The following ANKZF1 variants were observed in gnomAD, a reference collection of about 807,000 sequenced individuals.
ANKZF1 encodes the protein ankyrin repeat and zinc finger peptidyl tRNA hydrolase 1.
Under a neutral mutation model 86.0 loss-of-function variants are expected in ANKZF1, and 84 were observed. The ratio of observed to expected loss-of-function variants is 0.98; its 90% confidence interval spans 0.82 to 1.17. ANKZF1 has a LOEUF of 1.17. Among genes scored for constraint, ANKZF1 ranks in the 50% most tolerant of loss-of-function variants. ANKZF1 has a pLI of 0.00. For missense variants in ANKZF1, 893 were observed against 918.4 expected, an observed-to-expected ratio of 0.97 and a Z score of 0.36; for synonymous variants, 331 against 354.2, an observed-to-expected ratio of 0.93 and a Z score of 0.74.
rs775340089 is a variant in ANKZF1 at position 219,230,353 on chromosome 2, G to C, written c.96G>C (p.Val32=). 1 of 1,613,912 alleles carries C rather than the reference G, an allele frequency of 6.2e-7. No individual in the cohort carries two copies. Residue 32 remains valine (V), a synonymous_variant, in exon 2 of 14, where the codon GTG becomes GTC. Transcript: ENST00000323348. The part of the protein sequence containing the change: ...DAPVFQGLSL[V]SHAPGEALAR... ...CGGTCTTTCAGGGCCTGAGCCTGGT[G>C]AGCCACGCGCCTGGGGAGGCTCTGG...
At position 219,233,293 on chromosome 2, in the gene ANKZF1, G is replaced by A; in HGVS notation, c.679G>A (p.Val227Met). 1.2e-6 allele frequency: 2 copies of A among 1,614,254 alleles called. No individual in the cohort carries two copies. The highest frequency in any genetic ancestry group is 1.7e-6 in the Non-Finnish European group (2 of 1,180,046). The part of the protein sequence containing the change: ...FAGAIFQGRE[V>M]VTHKTFHRYT... The stretch of plus-strand genomic sequence containing the variant: ...AGTCTGTGCTGTCTACAGAAGAGAA[G>A]TGGTGACACACAAAACTTTTCACCG... The change falls in exon 7 of 14, where the codon GTG becomes ATG. Residue 227 changes from valine (V) to methionine (M), a missense_variant. Transcript: ENST00000323348.
At chr2:219,232,428 A>C in intron 4 of ANKZF1, 62 bp from the exon 5 acceptor site, 1 of 1,610,956 alleles carries the variant, frequency 6.2e-7, no homozygotes, top group Non-Finnish European at 8.5e-7. Flanking sequence ...ACTAGTTTAG[A>C]GTTTGAGGAA....
At position 219,236,532 on chromosome 2, in the gene ANKZF1, A is replaced by G; in HGVS notation, c.*87A>G. The stretch of plus-strand genomic sequence containing the variant: ...TAGGTTTTTTCTTCCCCGTGAAACC[A>G]GAGATGATTTGGAAGATGGGGGTGA... On this transcript the variant is annotated 3_prime_UTR_variant, in exon 14 of 14. Transcript: ENST00000323348. 1 of 1,488,440 alleles carries G rather than the reference A, an allele frequency of 6.7e-7. No homozygotes were observed. The highest frequency in any genetic ancestry group is 9.0e-7 in the Non-Finnish European group (1 of 1,116,934). 92.2% of individuals were successfully genotyped at this position (1,488,440 alleles called of 1,614,324 possible). A position where few individuals can be genotyped will look rare whatever the true frequency, so the allele number is the denominator to read the frequency against.
rs750688880 is a variant in ANKZF1 at position 219,233,118 on chromosome 2, CAAAGT to C, written c.600_604del (p.Ser201ArgfsTer66). ...GGCAGAACTGCTGCTACAGAACCTG[CAAAGT>C]AGAGGTCCCAGAGACTGCGTGGTGC... On this transcript the variant is annotated frameshift_variant, in exon 6 of 14. Coordinates refer to ENST00000323348, the MANE Select transcript of ANKZF1 (RefSeq NM_018089.3). LOFTEE classifies it high-confidence loss of function. 3.7e-6 allele frequency: 6 copies of C among 1,614,174 alleles called. No homozygotes were observed. In the South Asian group the frequency reaches 6.6e-5, roughly 18 times the overall value.
At position 219,231,911 on chromosome 2, in the gene ANKZF1, C is replaced by T. The variant is rs1951049107; in HGVS notation, c.149-17C>T. The stretch of plus-strand genomic sequence containing the variant: ...TTGGGCTCCCTTTCTATGTCCAATT[C>T]CTCTTCCCTTATTTAGGCTCAGGGG... On this transcript the variant is annotated splice_polypyrimidine_tract_variant and intron_variant, in intron 2 of 13. Transcript: ENST00000323348. The T allele has an allele frequency of 6.2e-7, 1 of 1,601,950 alleles. No individual in the cohort carries two copies. The highest frequency in any genetic ancestry group is 1.3e-5 in the African/African-American group (1 of 74,598).
chr2:219,231,874 G>C, intron 2 of ANKZF1, 54 bp from the exon 3 acceptor site: 1 of 1,400,440 alleles, frequency 7.1e-7, no homozygotes, highest in Non-Finnish European at 1.0e-6. Flanking sequence ...TATAATTCTT[G>C]TCACTGTGGA....
intron 9 of ANKZF1, 114 bp downstream of exon 9, chr2:219,234,402 G>C (rs752862067): frequency 7.7e-7 from 1 of 1,306,472 alleles, no homozygotes; most frequent in Admixed American, 1.7e-5. Flanking sequence ...CACCCACAGT[G>C]TCTATCTTAG....
In ANKZF1 at chr2:219,236,353, G is replaced by A; in HGVS notation, c.2089G>A (p.Gly697Ser). Residue 697 changes from glycine to serine, a missense_variant, in exon 14 of 14, where the codon GGC (glycine) becomes AGC (serine). Transcript: ENST00000323348. ...CTGGAGTTGTGGGGCATCCCTCCAA[G>A]GCCTGACTCCCTTTCACTACCTCGA... ...RCWSCGASLQ[G>S]LTPFHYLDFS... 6.2e-7 allele frequency: 1 copy of A among 1,614,124 alleles called. No individual in the cohort carries two copies. The highest frequency in any genetic ancestry group is 8.5e-7 in the Non-Finnish European group (1 of 1,180,034).
chr2:219,230,431 C>A (rs777898316), intron 2 of ANKZF1, 26 bp downstream of exon 2: 3 of 1,587,342 alleles, frequency 1.9e-6, no homozygotes, highest in Non-Finnish European at 2.6e-6. Flanking sequence ...TCGTGTGAAA[C>A]GTGACAGGGC....
rs537161164 is a variant in ANKZF1, at chr2:219,235,656, T to C, written c.1804-52T>C. On this transcript the variant is annotated intron_variant, in intron 11 of 13. Coordinates refer to ENST00000323348, the MANE Select transcript of ANKZF1 (RefSeq NM_018089.3). ...ATCCTGGCTAGATCCTTTCTACTTC[T>C]TGCAGTTTTACCAAAGATAACTTAT... The C allele has an allele frequency of 2.4e-5, 38 of 1,611,420 alleles. No homozygotes were observed. The South Asian group carries it at 2.5e-4, about 11-fold the overall frequency.
chr2:219,232,993 G>A, intron 5 of ANKZF1, 86 bp from the exon 6 acceptor site: 1 of 1,256,490 alleles, frequency 8.0e-7, no homozygotes, highest in Admixed American at 1.8e-5. Flanking sequence ...AATATTAAAT[G>A]AGATAATGTT....
chr2:219,233,597 C>T, intron 7 of ANKZF1, 118 bp from the exon 8 acceptor site: 1 of 1,407,286 alleles, frequency 7.1e-7, no homozygotes, highest in African/African-American at 1.4e-5. Context: ...GTCCTCTATT[C>T]TTTCTCCGTG....
rs1292671661 is a variant in ANKZF1 at position 219,233,845 on chromosome 2, G to T, written c.950G>T (p.Gly317Val). The change falls in exon 8 of 14, where the codon GGG becomes GTG. Residue 317 changes from glycine (G) to valine (V), a missense_variant. Physicochemically the swap from Gly to Val is moderately radical, Grantham distance 109. Coordinates refer to ENST00000323348, the MANE Select transcript of ANKZF1 (RefSeq NM_018089.3). ...FGGKGAPLQR[G>V]DPRLWDIPLA... Reference sequence around the variant, plus strand: ...GGCAAGGGAGCACCCCTGCAAAGGGGGGATCCCCGACTTTGGGATATCCCC... The same window carrying T: ...GGCAAGGGAGCACCCCTGCAAAGGGTGGATCCCCGACTTTGGGATATCCCC... The T allele has an allele frequency of 1.2e-6, 2 of 1,613,468 alleles. No individual in the cohort carries two copies. The highest frequency in any genetic ancestry group is 3.3e-5 in the Admixed American group (2 of 59,836).
chr2:219,236,517 C>T lies in ANKZF1; in HGVS notation c.*72C>T, dbSNP rs1046029. 2.0e-6 allele frequency: 3 copies of T among 1,504,194 alleles called. No individual in the cohort carries two copies. The South Asian group carries it at 4.0e-5, about 20-fold the overall frequency. 93.2% of individuals were successfully genotyped at this position (1,504,194 alleles called of 1,614,324 possible). A position where few individuals can be genotyped will look rare whatever the true frequency, so the allele number is the denominator to read the frequency against. The stretch of plus-strand genomic sequence containing the variant: ...CATTCACAGCAGCCCTAGGTTTTTT[C>T]TTCCCCGTGAAACCAGAGATGATTT... On this transcript the variant is annotated 3_prime_UTR_variant, in exon 14 of 14. Coordinates refer to ENST00000323348, the MANE Select transcript of ANKZF1 (RefSeq NM_018089.3).
Position 219,234,241 on chromosome 2 carries a change from G to C in ANKZF1, c.1157G>C (p.Arg386Thr), listed in dbSNP as rs1375916380. Residue 386 changes from arginine (R) to threonine (T), a missense_variant, in exon 9 of 14, where the codon AGG becomes ACG. Coordinates refer to ENST00000323348, the MANE Select transcript of ANKZF1 (RefSeq NM_018089.3). The part of the protein sequence containing the change: ...PTEEEIRKIC[R>T]DEKEALGQNE... ...GAGGAAGAAATAAGAAAGATCTGCA[G>C]GGATGAAAAGGAAGCGCTGGGGCAG... The C allele has an allele frequency of 1.9e-6, 3 of 1,614,040 alleles. No homozygotes were observed. The highest frequency in any genetic ancestry group is 2.2e-5 in the South Asian group (2 of 91,088).
Position 219,232,336 on chromosome 2 carries a change from T to C in ANKZF1, c.338T>C (p.Leu113Pro), listed in dbSNP as rs747589774. ...AAGGACAAGCCTCTCCTGTCTGCCC[T>C]GGACTTTGAAAAGCAGAGCTCCACA... is the stretch of plus-strand genomic sequence containing the variant. ...RLKDKPLLSA[L>P]DFEKQSSTGD... Residue 113 changes from leucine (L) to proline (P), a missense_variant, in exon 4 of 14, where the codon CTG (leucine) becomes CCG (proline). Coordinates refer to ENST00000323348, the MANE Select transcript of ANKZF1 (RefSeq NM_018089.3). 8.1e-6 allele frequency: 13 copies of C among 1,614,130 alleles called. No individual in the cohort carries two copies. The highest frequency in any genetic ancestry group is 5.3e-5 in the African/African-American group (4 of 74,944).
chr2:219,233,648 T>A, intron 7 of ANKZF1, 67 bp from the exon 8 acceptor site: 2 of 1,524,234 alleles, frequency 1.3e-6, no homozygotes, highest in South Asian at 2.5e-5. Flanking sequence ...TGTGGGCCAT[T>A]TTTTTTAGTT....
intron 4 of ANKZF1, 64 bp downstream of exon 4, chr2:219,232,426 A>G: frequency 2.5e-6 from 4 of 1,610,992 alleles, no homozygotes; most frequent in Non-Finnish European, 3.4e-6. Flanking sequence ...GCACTAGTTT[A>G]GAGTTTGAGG....
rs1412755068 is a variant in ANKZF1 at position 219,235,087 on chromosome 2, CT to C, written c.1467del (p.Gly490ValfsTer21). 2 of 1,614,262 alleles carry C rather than the reference CT, an allele frequency of 1.2e-6. No homozygotes were observed. The highest frequency in any genetic ancestry group is 2.2e-5 in the South Asian group (2 of 91,090). ...LGPLLDEAKAPGQPELWNALL... is the reference protein window; with the variant it reads ...LGPLLDEAKAXGQPELWNALL... ...CCTTTGCTGGATGAGGCCAAAGCCC[CT>C]GGTCAGCCAGAGCTCTGGAATGCAC... is the stretch of plus-strand genomic sequence containing the variant. On this transcript the variant is annotated frameshift_variant, in exon 10 of 14. Transcript: ENST00000323348. LOFTEE classifies it high-confidence loss of function.
Sources: gnomAD v4.1 joint callset for allele counts on GRCh38, gnomAD v4.1.1 for gene constraint, MANE v1.5 for transcripts, NCBI Gene and HGNC (gene_info 2026-07-23, HGNC 2026-07-21) for gene names.